The following PLPP2 variants were observed in gnomAD, a reference collection of about 807,000 sequenced individuals.
The protein encoded by PLPP2 is PAP2-gamma.
A neutral mutation model predicts 35.2 loss-of-function variants in PLPP2; 29 were observed. The ratio of observed to expected loss-of-function variants is 0.82; its 90% CI spans 0.61 to 1.12. PLPP2 has a LOEUF of 1.12. PLPP2 is among the 50% of genes most tolerant of loss of function. PLPP2 has a pLI of 0.00. For synonymous variants in PLPP2, 162 were observed against 167.0 expected, an observed-to-expected ratio of 0.97 and a Z score of 0.23; for missense variants, 353 against 375.2, an observed-to-expected ratio of 0.94 and a Z score of 0.49.
At chr19:290,792 G>A (rs904737122) in intron 1 of PLPP2, among the ~76,000 whole-genome samples, 11 of 152,110 alleles carry the variant, frequency 7.2e-5, no homozygotes, top group African/African-American at 2.7e-4. Flanking sequence ...GGGCCTCCCC[G>A]CACGTGCACG....
intron 3 of PLPP2, chr19:284,851 T>C (rs1056442180): frequency 2.6e-5 from 4 of 152,238 alleles, no homozygotes; most frequent in African/African-American, 9.6e-5. Context: ...GCACAGCGGC[T>C]CACACCTGTC....
rs376932537 is a variant in PLPP2 at position 291,385 on chromosome 19, G to T, written c.-49C>A. On this transcript the variant is annotated 5_prime_UTR_variant, in exon 1 of 6. Transcript: ENST00000434325. ...GTCCCAGCGCGTCCCGTCGCGTCCC[G>T]GCCCGGCCGCGGAGTCACGTGGCGC... 6 of 1,562,276 alleles carry T rather than the reference G, an allele frequency of 3.8e-6. No homozygotes were observed. The highest frequency in any genetic ancestry group is 3.0e-5 in the African/African-American group (2 of 67,306).
intron 4 of PLPP2, 108 bp from the exon 5 acceptor site, chr19:282,418 C>A (rs1970196513): frequency 1.4e-6 from 1 of 703,036 alleles, no homozygotes; most frequent in Admixed American, 2.3e-5. Flanking sequence ...CCTCCCCCTG[C>A]ACAGACGTGT....
At chr19:290,711 C>A (rs947008619) in intron 1 of PLPP2, among the ~76,000 whole-genome samples, 1 of 152,192 alleles carries the variant, frequency 6.6e-6, no homozygotes, top group Non-Finnish European at 1.5e-5. Context: ...CCCCCGCCAC[C>A]CCGTTCACCC....
At chr19:281,841 GTCCA>G in intron 5 of PLPP2, 2 of 377,838 alleles carry the variant, frequency 5.3e-6, no homozygotes, top group African/African-American at 4.8e-5. Context: ...ATGGAGGGGG[GTCCA>G]GGGAAGGACT....
chr19:291,255 C>T (rs1352635006), intron 1 of PLPP2, 30 bp downstream of exon 1: 1 of 1,599,510 alleles, frequency 6.3e-7, no homozygotes. Flanking sequence ...GGGAGGGTCC[C>T]CCCAACACCC....
At position 281,359 on chromosome 19, in the gene PLPP2, G is replaced by T; in HGVS notation, c.*29C>A. On this transcript the variant is annotated 3_prime_UTR_variant, in exon 6 of 6. Transcript: ENST00000434325. ...TGGGTGGGCCTCAGCTGGACTCACAGCAGCTCCCTGCCTGGGCGGGGTCCG... is the reference window on the plus strand; with the variant it reads ...TGGGTGGGCCTCAGCTGGACTCACATCAGCTCCCTGCCTGGGCGGGGTCCG... 1 of 1,390,064 alleles carries T rather than the reference G, an allele frequency of 7.2e-7. No homozygotes were observed. Among genetic ancestry groups the T allele is most frequent in the Non-Finnish European group, 9.4e-7 (1 of 1,064,660 alleles). 86.1% of individuals were successfully genotyped at this position (1,390,064 alleles called of 1,614,324 possible). A position where few individuals can be genotyped will look rare whatever the true frequency, so the allele number is the denominator to read the frequency against.
At chr19:284,418 T>C (rs1970235209) in intron 3 of PLPP2, 1 of 148,110 alleles carries the variant, frequency 6.8e-6, no homozygotes, top group Non-Finnish European at 1.5e-5. Context: ...GGGAAAAAAA[T>C]GTAATAATAG....
rs1970302416 is a variant in PLPP2 at position 287,931 on chromosome 19, G to C, written c.204+89C>G. On this transcript the variant is annotated intron_variant, in intron 2 of 5. Transcript: ENST00000434325. This position sits in a 1 kb window ranked among gnomAD's most constrained non-coding sequence, Gnocchi z 4.3. ...GGCCCCACACAGACCTCCAGGGCAG[G>C]GCTGTGCCACCCCCCCATCAGGCCC... 1 of 1,554,556 alleles carries C rather than the reference G, an allele frequency of 6.4e-7. No individual in the cohort carries two copies. The highest frequency in any genetic ancestry group is 8.7e-7 in the Non-Finnish European group (1 of 1,145,150).
intron 5 of PLPP2, 180 bp downstream of exon 5, chr19:281,954 G>A (rs1273674429): frequency 5.4e-5 from 37 of 680,432 alleles, no homozygotes; most frequent in Non-Finnish European, 8.4e-5. Flanking sequence ...GGGGAGGACT[G>A]GGGGGAAGGA....
intron 1 of PLPP2, chr19:290,842 G>T (rs968460652): frequency 9.5e-6 from 9 of 947,974 alleles, no homozygotes; most frequent in Non-Finnish European, 1.2e-5. Context: ...CAGGACCGAG[G>T]GTCAGCCCTC....
In PLPP2 at chr19:287,443, A is replaced by G. The variant is rs376235970; in HGVS notation, c.482+31T>C. Reference sequence around the variant, plus strand: ...GGGCCTTCTTCAGCTCCCATTCCCCACAAGAGTGAAGGCTGCTGGTCCACA... The same window carrying G: ...GGGCCTTCTTCAGCTCCCATTCCCCGCAAGAGTGAAGGCTGCTGGTCCACA... On this transcript the variant is annotated intron_variant, in intron 3 of 5. Coordinates refer to ENST00000434325, the MANE Select transcript of PLPP2 (RefSeq NM_003712.4). This position sits in a 1 kb window ranked among gnomAD's most constrained non-coding sequence, Gnocchi z 4.3. 17 of 1,586,824 alleles carry G rather than the reference A, an allele frequency of 1.1e-5. No individual in the cohort carries two copies. The highest frequency in any genetic ancestry group is 3.4e-5 in the Admixed American group (2 of 59,008).
At position 281,403 on chromosome 19, in the gene PLPP2, C is replaced by T. The variant is rs754308925; in HGVS notation, c.852G>A (p.Pro284=). The T allele has an allele frequency of 9.4e-5, 135 of 1,443,112 alleles. 1 individual carries two copies. The South Asian group carries it at 1.8e-3, about 19-fold the overall frequency. The allele number at this position is 1,443,112 out of a possible 1,614,324, so 89.4% of individuals were successfully genotyped here. ...GGGTCCGGCCTCAGGAGGAGGAGTGCGGGTATCCATAGTGGTTGTGGTCAG... is the reference window on the plus strand; with the variant it reads ...GGGTCCGGCCTCAGGAGGAGGAGTGTGGGTATCCATAGTGGTTGTGGTCAG... ...GEADHNHYGY[P]HSSS Residue 284 remains proline (P), a synonymous_variant, in exon 6 of 6, where the codon CCG becomes CCA. Transcript: ENST00000434325.
At chr19:282,361 C>T in intron 4 of PLPP2, 51 bp from the exon 5 acceptor site, 1 of 1,563,404 alleles carries the variant, frequency 6.4e-7, no homozygotes, top group South Asian at 1.1e-5. Flanking sequence ...GGCGCTCCCC[C>T]TCCCCCTGCA....
Position 289,282 on chromosome 19 carries a change from C to T in PLPP2, c.53-1111G>A, listed in dbSNP as rs182789226. On this transcript the variant is annotated intron_variant, in intron 1 of 5. Coordinates refer to ENST00000434325, the MANE Select transcript of PLPP2 (RefSeq NM_003712.4). ...GGCTTTTCTAAGTTCTGAATGTCAG[C>T]GGAGGGGCAGGGAGCCCCACACTCC... is the stretch of plus-strand genomic sequence containing the variant. Among the ~76,000 whole-genome samples, 237 of 152,272 alleles carry T rather than the reference C, an allele frequency of 1.6e-3. 2 individuals carry two copies. The highest frequency in any genetic ancestry group is 5.5e-3 in the African/African-American group (227 of 41,548).
chr19:284,776 C>A (rs1970240996), intron 3 of PLPP2: 2 of 152,034 alleles, frequency 1.3e-5, no homozygotes, highest in Non-Finnish European at 2.9e-5. Flanking sequence ...GAGGGAGGCT[C>A]AATAGCAGGT....
At chr19:282,991 C>CT in intron 3 of PLPP2, 182 bp from the exon 4 acceptor site, 1 of 611,424 alleles carries the variant, frequency 1.6e-6, no homozygotes, top group Non-Finnish European at 2.9e-6. Flanking sequence ...ATAAGAGTCT[C>CT]TGACTGGGGC....
intron 1 of PLPP2, among the ~76,000 whole-genome samples, chr19:289,958 C>T (rs1970351656): frequency 6.6e-6 from 1 of 152,164 alleles, no homozygotes; most frequent in African/African-American, 2.4e-5. Flanking sequence ...TTTCCGACCT[C>T]CCTGCCCCAG....
intron 1 of PLPP2, chr19:290,884 G>T: frequency 8.6e-7 from 1 of 1,165,126 alleles, no homozygotes; most frequent in Non-Finnish European, 1.1e-6. Context: ...CACCCCAGGG[G>T]CGGAGGCGCG....
Sources: gnomAD v4.1 joint callset for allele counts (sites outside exome capture counted in the v4.1 genomes callset) on GRCh38, gnomAD v4.1.1 for gene constraint, Gnocchi (gnomAD v3.1) non-coding constraint, MANE v1.5 for transcripts, NCBI Gene and HGNC (gene_info 2026-07-23, HGNC 2026-07-21) for gene names.